The following MDGA2 variants were observed in gnomAD, a reference collection of about 807,000 sequenced individuals.
MDGA2 encodes the protein MAM domain containing glycosylphosphatidylinositol anchor 2.
In MDGA2, 40 loss-of-function variants were observed where a neutral mutation model predicts 117.8. That is an observed-to-expected ratio of 0.34 (90% CI 0.26 to 0.44). The LOEUF (loss-of-function observed/expected upper bound fraction) is 0.44, where lower values mean the gene tolerates loss of function less well. Among genes scored for constraint, MDGA2 ranks in the 20% least tolerant of loss-of-function variants. The pLI, the probability that MDGA2 is intolerant of heterozygous loss-of-function variation, is 1.00. For missense variants in MDGA2, 1,123 were observed against 1,250.6 expected (o/e 0.90, Z 1.54); for synonymous variants, 452 against 439.0 (o/e 1.03, Z -0.37).
intron 6 of MDGA2, among the ~76,000 whole-genome samples, chr14:47,090,280 T>G (rs1337921260): frequency 6.6e-6 from 1 of 152,146 alleles, no homozygotes; most frequent in East Asian, 1.9e-4. Context: ...GTGAAATTCA[T>G]GCCTCATTGA....
intron 2 of MDGA2, among the ~76,000 whole-genome samples, chr14:47,265,827 A>C (rs1483363108): frequency 6.6e-6 from 1 of 152,108 alleles, no homozygotes; most frequent in Non-Finnish European, 1.5e-5. Flanking sequence ...CCAAGTTCCC[A>C]ATAACACAGA....
At chr14:47,609,431 A>ATG in intron 1 of MDGA2, among the ~76,000 whole-genome samples, 1 of 62,120 alleles carries the variant, frequency 1.6e-5, no homozygotes, top group Non-Finnish European at 3.3e-5. Context: ...ATTCCATCAT[A>ATG]TATATATATA....
chr14:46,848,818 G>A (rs951967649), intron 15 of MDGA2, among the ~76,000 whole-genome samples: 5 of 151,962 alleles, frequency 3.3e-5, no homozygotes, highest in African/African-American at 1.2e-4. Flanking sequence ...TTGACTGTAA[G>A]TCTGTGGTTT....
At chr14:47,513,893 C>T (rs548603424) in intron 1 of MDGA2, among the ~76,000 whole-genome samples, 1 of 152,234 alleles carries the variant, frequency 6.6e-6, no homozygotes, top group East Asian at 1.9e-4. Flanking sequence ...TGTGTAAGAA[C>T]TCAGATACTA....
chr14:46,941,491 C>T (rs1884999060), intron 9 of MDGA2, among the ~76,000 whole-genome samples: 1 of 152,144 alleles, frequency 6.6e-6, no homozygotes, highest in African/African-American at 2.4e-5. Flanking sequence ...ACACACTCTG[C>T]ACTGTTCTCA....
At position 47,218,129 on chromosome 14, in the gene MDGA2, T is replaced by C; in HGVS notation, c.487A>G (p.Thr163Ala). 1.3e-6 allele frequency: 2 copies of C among 1,551,248 alleles called. No individual in the cohort carries two copies. Among genetic ancestry groups the C allele is most frequent in the Non-Finnish European group, 1.7e-6 (2 of 1,146,654 alleles). ...RFQDSSVFNE[T>A]LRITNIQRHQ... is the part of the protein sequence containing the mutation. Reference sequence around the variant, plus strand: ...CGCTGAATATTTGTAATCCTCAAAGTCTCATTGAAGACACTTGAGTCTTGG... The same window carrying C: ...CGCTGAATATTTGTAATCCTCAAAGCCTCATTGAAGACACTTGAGTCTTGG... The change falls in exon 3 of 17, where the codon ACT becomes GCT. Residue 163 changes from threonine (T) to alanine (A), a missense_variant. This residue lies in a region of MDGA2 where 233 missense variants were observed against 200.3 expected (regional missense o/e 1.16). Transcript: ENST00000399232.
intron 1 of MDGA2, among the ~76,000 whole-genome samples, chr14:47,566,184 G>A (rs1166622839): frequency 6.6e-6 from 1 of 152,214 alleles, no homozygotes; most frequent in East Asian, 1.9e-4. Context: ...AAGGACATGT[G>A]TAGGCTGGTG....
chr14:47,564,259 T>G (rs1420537138), intron 1 of MDGA2, among the ~76,000 whole-genome samples: 1 of 152,166 alleles, frequency 6.6e-6, no homozygotes, highest in Non-Finnish European at 1.5e-5. Context: ...GTATTTCACA[T>G]GGGTTCTCTG....
intron 3 of MDGA2, among the ~76,000 whole-genome samples, chr14:47,215,912 G>A (rs903719383): frequency 1.3e-5 from 2 of 152,096 alleles, no homozygotes; most frequent in Non-Finnish European, 2.9e-5. Flanking sequence ...GAGGTTGCAT[G>A]AGAAAACCCC....
intron 1 of MDGA2, among the ~76,000 whole-genome samples, chr14:47,334,457 C>G (rs112462821): frequency 1.7e-4 from 26 of 151,754 alleles, no homozygotes; most frequent in African/African-American, 6.3e-4. Flanking sequence ...ATCACTGAAC[C>G]TCCGGAAGCA....
At chr14:47,594,029 T>C (rs905654662) in intron 1 of MDGA2, among the ~76,000 whole-genome samples, 1 of 152,178 alleles carries the variant, frequency 6.6e-6, no homozygotes, top group Non-Finnish European at 1.5e-5. Flanking sequence ...AGCAAAACTG[T>C]AGAAGTGCTA....
At chr14:47,150,298 C>T (rs1194869105) in intron 3 of MDGA2, among the ~76,000 whole-genome samples, 1 of 152,196 alleles carries the variant, frequency 6.6e-6, no homozygotes, top group Non-Finnish European at 1.5e-5. Context: ...TCTTGAAATT[C>T]TGTTATACTT....
intron 6 of MDGA2, 60 bp from the exon 7 acceptor site, chr14:47,061,638 A>C (rs7147260): frequency 0.65 from 869,974 of 1,333,638 alleles, 287,288 homozygotes; most frequent in Admixed American, 0.77. Context: ...AGGATTCATT[A>C]ACTGTAGATA....
chr14:46,949,498 C>A (rs1271728149), intron 9 of MDGA2, among the ~76,000 whole-genome samples: 1 of 151,978 alleles, frequency 6.6e-6, no homozygotes, highest in Non-Finnish European at 1.5e-5. Context: ...GTTTAACCCT[C>A]ACCTCCCTTT....
intron 2 of MDGA2, among the ~76,000 whole-genome samples, chr14:47,300,380 T>C (rs935173264): frequency 1.3e-5 from 2 of 152,222 alleles, no homozygotes; most frequent in African/African-American, 4.8e-5. Context: ...TAAAACATCC[T>C]CAATATTCTG....
At chr14:47,669,663 G>T in intron 1 of MDGA2, among the ~76,000 whole-genome samples, 1 of 152,150 alleles carries the variant, frequency 6.6e-6, no homozygotes. Flanking sequence ...ATAAGAATGT[G>T]CATGAGTGTG....
At chr14:47,324,854 AAGAG>A (rs146722286) in intron 1 of MDGA2, among the ~76,000 whole-genome samples, 18 of 149,342 alleles carry the variant, frequency 1.2e-4, no homozygotes, top group South Asian at 4.2e-4. Context: ...GAGAGAGAGA[AAGAG>A]AGAGAGAGAG....
intron 1 of MDGA2, among the ~76,000 whole-genome samples, chr14:47,482,426 C>T (rs1434610295): frequency 6.6e-6 from 1 of 152,014 alleles, no homozygotes; most frequent in African/African-American, 2.4e-5. Flanking sequence ...GAAATTAGTT[C>T]CAGGTCTAAG....
rs540497423 is a variant in MDGA2 at position 47,646,681 on chromosome 14, TA to T, written c.280+27835del. On this transcript the variant is annotated intron_variant, in intron 1 of 16. Coordinates refer to ENST00000399232, the MANE Select transcript of MDGA2 (RefSeq NM_001113498.3). ...CAATCATGAGCATAATTTCTATGAA[TA>T]AAAGTTTTTCTTATGCATCATTTAA... Among the ~76,000 whole-genome samples, 398 of 152,356 alleles carry T rather than the reference TA, an allele frequency of 2.6e-3. 2 individuals carry two copies. Among genetic ancestry groups the T allele is most frequent in the African/African-American group, 9.1e-3 (378 of 41,586 alleles).
Sources: gnomAD v4.1 joint callset for allele counts (sites outside exome capture counted in the v4.1 genomes callset) on GRCh38, gnomAD v4.1.1 for gene constraint, gnomAD v4.1.1 regional missense constraint, MANE v1.5 for transcripts, NCBI Gene and HGNC (gene_info 2026-07-23, HGNC 2026-07-21) for gene names.